Variants in LRP6 observed in about 807,000 individuals in gnomAD.
LRP6 encodes low-density lipoprotein receptor-related protein 6.
LRP6 carries 43 observed loss-of-function variants against 184.1 expected under a neutral mutation model. That is an observed-to-expected ratio of 0.23 (90% CI 0.18 to 0.30). The LOEUF is 0.30. LRP6 is among the 10% of genes least tolerant of loss of function. LRP6 has a pLI of 1.00. For missense variants in LRP6, 1,571 were observed against 2,005.3 expected (o/e 0.78, Z 4.14); for synonymous variants, 719 against 684.9 (o/e 1.05, Z -0.78).
At chr12:12,262,959 A>T (rs966278862) in intron 1 of LRP6, among the ~76,000 whole-genome samples, 3 of 152,170 alleles carry the variant, frequency 2.0e-5, no homozygotes, top group African/African-American at 7.2e-5. Flanking sequence ...ACTTTTAAGA[A>T]TGTGTGAATC....
intron 1 of LRP6, among the ~76,000 whole-genome samples, chr12:12,247,771 T>C (rs1865225279): frequency 6.6e-6 from 1 of 152,218 alleles, no homozygotes; most frequent in Admixed American, 6.5e-5. Context: ...ACATACTTGC[T>C]CCCTGGAACA....
intron 2 of LRP6, among the ~76,000 whole-genome samples, chr12:12,226,124 A>C (rs1396792660): frequency 6.6e-6 from 1 of 152,218 alleles, no homozygotes; most frequent in Non-Finnish European, 1.5e-5. Context: ...AGAACTGAGA[A>C]GCACTTGTGA....
At chr12:12,173,540 G>A (rs774024064) in intron 7 of LRP6, among the ~76,000 whole-genome samples, 6 of 151,842 alleles carry the variant, frequency 4.0e-5, no homozygotes, top group Non-Finnish European at 8.8e-5. Flanking sequence ...ATGGGGTTTT[G>A]CCATGTTGCC....
intron 22 of LRP6, among the ~76,000 whole-genome samples, chr12:12,122,461 G>A (rs1249551455): frequency 6.6e-6 from 1 of 152,092 alleles, no homozygotes; most frequent in Admixed American, 6.5e-5. Context: ...GCACCACCAG[G>A]TAATATATCC....
Position 12,133,204 on chromosome 12 carries a change from AC to A in LRP6, c.3734-1148del, listed in dbSNP as rs1949781496. 2.0e-5 allele frequency among the ~76,000 whole-genome samples: 3 copies of A among 152,230 alleles called. No homozygotes were observed. The South Asian group carries it at 6.2e-4, about 32-fold the overall frequency. ...AACTAATAAACATAAAACAAAGGAC[AC>A]TACTTTGAACTGCATGTCATGCAAA... On this transcript the variant is annotated intron_variant, in intron 17 of 22. Coordinates refer to ENST00000261349, the MANE Select transcript of LRP6 (RefSeq NM_002336.3).
chr12:12,190,142 T>A (rs1863573761), intron 3 of LRP6, among the ~76,000 whole-genome samples: 1 of 152,222 alleles, frequency 6.6e-6, no homozygotes, highest in African/African-American at 2.4e-5. Flanking sequence ...AAGGGTGATA[T>A]AATGATTTGT....
intron 16 of LRP6, among the ~76,000 whole-genome samples, chr12:12,137,400 C>CA (rs537552248): frequency 6.7e-5 from 10 of 149,546 alleles, no homozygotes; most frequent in Middle Eastern, 3.4e-3. Flanking sequence ...TAGCCATTTT[C>CA]AAAAAAAAAT....
intron 2 of LRP6, among the ~76,000 whole-genome samples, chr12:12,243,505 CCTT>C (rs770100240): frequency 1.3e-5 from 2 of 152,100 alleles, no homozygotes; most frequent in African/African-American, 4.8e-5. Context: ...TCATTTCATT[CCTT>C]CTTCTCTCTC....
chr12:12,231,459 G>T (rs1591970467), intron 2 of LRP6, among the ~76,000 whole-genome samples: 1 of 152,166 alleles, frequency 6.6e-6, no homozygotes, highest in Admixed American at 6.5e-5. Context: ...GATCACCAAA[G>T]ATTTCATAAT....
chr12:12,222,566 CAA>C (rs1219035988), intron 2 of LRP6, among the ~76,000 whole-genome samples: 2 of 134,936 alleles, frequency 1.5e-5, no homozygotes, highest in Non-Finnish European at 3.2e-5. Context: ...GACTCCGTCT[CAA>C]AAAAAAAAAA....
chr12:12,226,125 G>C (rs1459996817), intron 2 of LRP6, among the ~76,000 whole-genome samples: 2 of 152,156 alleles, frequency 1.3e-5, no homozygotes, highest in African/African-American at 2.4e-5. Context: ...GAACTGAGAA[G>C]CACTTGTGAA....
chr12:12,188,280 C>A (rs963333958), intron 3 of LRP6, among the ~76,000 whole-genome samples: 1 of 150,372 alleles, frequency 6.7e-6, no homozygotes, highest in Non-Finnish European at 1.5e-5. Context: ...CGTTTTGAGT[C>A]AAAATAATAT....
chr12:12,216,138 C>A (rs75798211), intron 2 of LRP6, among the ~76,000 whole-genome samples: 7,536 of 152,198 alleles, frequency 0.05, 204 homozygotes, highest in Middle Eastern at 0.16. Context: ...TAATTCGCTG[C>A]AACAGACTTT....
chr12:12,126,370 A>T (rs943826997), intron 20 of LRP6, among the ~76,000 whole-genome samples: 7 of 152,182 alleles, frequency 4.6e-5, no homozygotes, highest in Admixed American at 6.5e-5. Context: ...TGGTGAACTT[A>T]ACCTGTGGTT....
In LRP6 at chr12:12,244,366, T is replaced by C; in HGVS notation, c.345A>G (p.Glu115=). 1 of 1,614,206 alleles carries C rather than the reference T, an allele frequency of 6.2e-7. No individual in the cohort carries two copies. Among genetic ancestry groups the C allele is most frequent in the Non-Finnish European group, 8.5e-7 (1 of 1,180,024 alleles). Residue 115 remains glutamate (E), a synonymous_variant, in exon 2 of 23, where the codon GAA becomes GAG. Coordinates refer to ENST00000261349, the MANE Select transcript of LRP6 (RefSeq NM_002336.3). ...AATTAGAAACTTCAATCCGATTAGT[T>C]TCAGAATCTGTCCAGTACAATTTTT... ...LGEKLYWTDS[E]TNRIEVSNLD...
intron 3 of LRP6, among the ~76,000 whole-genome samples, chr12:12,192,817 T>C (rs930319377): frequency 2.0e-5 from 3 of 151,940 alleles, no homozygotes; most frequent in Non-Finnish European, 2.9e-5. Flanking sequence ...CTATTCTCAC[T>C]AAAGGAAAGA....
chr12:12,158,749 T>A, intron 12 of LRP6, 80 bp downstream of exon 12: 1 of 1,413,464 alleles, frequency 7.1e-7, no homozygotes, highest in Non-Finnish European at 9.9e-7. Context: ...TATTTAACTT[T>A]AGAAAAAACA....
At chr12:12,202,130 A>G (rs571923849) in intron 3 of LRP6, among the ~76,000 whole-genome samples, 1 of 152,360 alleles carries the variant, frequency 6.6e-6, no homozygotes, top group South Asian at 2.1e-4. Context: ...AAGAAATTCC[A>G]TGTTTATGTT....
chr12:12,208,295 T>G (rs965029051), intron 2 of LRP6, among the ~76,000 whole-genome samples: 6 of 152,180 alleles, frequency 3.9e-5, no homozygotes, highest in Admixed American at 1.3e-4. Context: ...TAAAGGGGCT[T>G]AAGGCACCTT....
Sources: allele counts gnomAD v4.1 joint callset (sites outside exome capture counted in the v4.1 genomes callset), GRCh38; gene constraint gnomAD v4.1.1; transcripts MANE v1.5; gene names NCBI Gene and HGNC (gene_info 2026-07-23, HGNC 2026-07-21).